The following ADAMTS5 variants were observed in gnomAD, a reference collection of about 807,000 sequenced individuals.
The protein encoded by ADAMTS5 is ADAM metallopeptidase with thrombospondin type 1 motif 5.
A neutral mutation model predicts 81.4 loss-of-function variants in ADAMTS5; 54 were observed. The observed-to-expected ratio is 0.66, with a 90% CI of 0.53 to 0.83. ADAMTS5 has a LOEUF of 0.83. ADAMTS5 is among the 40% of genes least tolerant of loss of function. The pLI, the probability that ADAMTS5 is intolerant of heterozygous loss-of-function variation, is 0.00. For synonymous variants in ADAMTS5, 532 were observed against 508.8 expected (o/e 1.05, Z -0.61); for missense variants, 1,194 against 1,229.9 (o/e 0.97, Z 0.44).
At chr21:26,949,317 G>A (rs1326404663) in intron 2 of ADAMTS5, among the ~76,000 whole-genome samples, 1 of 151,716 alleles carries the variant, frequency 6.6e-6, no homozygotes, top group Non-Finnish European at 1.5e-5. Context: ...CATACCTTCT[G>A]ACTAGCTGGG....
intron 4 of ADAMTS5, among the ~76,000 whole-genome samples, chr21:26,933,603 A>C (rs1241878943): frequency 2.6e-5 from 4 of 152,362 alleles, no homozygotes; most frequent in African/African-American, 9.6e-5. Context: ...TGTGACAGAT[A>C]CTGAAATGCA....
intron 4 of ADAMTS5, 88 bp from the exon 5 acceptor site, chr21:26,933,132 A>G: frequency 1.5e-6 from 2 of 1,369,270 alleles, no homozygotes; most frequent in Non-Finnish European, 2.0e-6. Flanking sequence ...TTTAATGACA[A>G]AGTGGAAACT....
At position 26,928,665 on chromosome 21, in the gene ADAMTS5, CTCTT is replaced by C. The variant is rs200444228; in HGVS notation, c.2225+1217_2225+1220del. On this transcript the variant is annotated intron_variant, in intron 7 of 7. Transcript: ENST00000284987. ...CTTTCTCTTTCCTTTGTCTTTCTTT[CTCTT>C]TCTTTCTTTCTTTTTCTTTCTTTCT... 9.4e-3 allele frequency among the ~76,000 whole-genome samples: 1,386 copies of C among 147,908 alleles called. 21 individuals are homozygous for C. The highest frequency in any genetic ancestry group is 0.029 in the African/African-American group (1,176 of 40,088).
chr21:26,958,983 G>C (rs1987477567), intron 1 of ADAMTS5, among the ~76,000 whole-genome samples: 1 of 152,220 alleles, frequency 6.6e-6, no homozygotes, highest in Admixed American at 6.5e-5. Flanking sequence ...GGAATGACAA[G>C]AAGTTTGTTT....
intron 2 of ADAMTS5, among the ~76,000 whole-genome samples, chr21:26,949,629 T>G (rs1987281816): frequency 6.6e-6 from 1 of 152,166 alleles, no homozygotes; most frequent in Non-Finnish European, 1.5e-5. Context: ...TGCTAGATAA[T>G]CTATAGGTTT....
rs140137214 is a variant in ADAMTS5, at chr21:26,965,521, G to C, written c.871C>G (p.Leu291Val). The change falls in exon 1 of 8, where the codon CTG becomes GTG. Residue 291 changes from leucine to valine, a missense_variant. Coordinates refer to ENST00000284987, the MANE Select transcript of ADAMTS5 (RefSeq NM_007038.5). ...TTGGCGATGGAGGCCAGGGTCAGCA[G>C]GTAATGCTGCAGGCCCCGGCCATAC... is the stretch of plus-strand genomic sequence containing the variant. The part of the protein sequence containing the change: ...RLYGRGLQHY[L>V]LTLASIANRL... The C allele has an allele frequency of 6.2e-7, 1 of 1,614,010 alleles. No homozygotes were observed. Among genetic ancestry groups the C allele is most frequent in the African/African-American group, 1.3e-5 (1 of 74,956 alleles).
In ADAMTS5 at chr21:26,931,934, G is replaced by A. The variant is rs560802638; in HGVS notation, c.2049+70C>T. 1.4e-4 allele frequency: 203 copies of A among 1,451,812 alleles called. 3 individuals carry two copies. In the South Asian group the frequency reaches 1.7e-3, roughly 12 times the overall value. The allele number at this position is 1,451,812 out of a possible 1,614,324, so 89.9% of individuals were successfully genotyped here. ...TAATAACTGTTTACGTCTGGCGTCC[G>A]CAGGCTTCATTCTACCAAATAATTT... On this transcript the variant is annotated intron_variant, in intron 6 of 7. Transcript: ENST00000284987.
chr21:26,946,579 T>C (rs943495155), intron 2 of ADAMTS5, among the ~76,000 whole-genome samples: 14 of 152,136 alleles, frequency 9.2e-5, no homozygotes, highest in Non-Finnish European at 1.2e-4. Context: ...TTAAAATGAA[T>C]GGTGTGGTTT....
In ADAMTS5 at chr21:26,924,111, C is replaced by A; in HGVS notation, c.2735G>T (p.Gly912Val). The A allele has an allele frequency of 6.2e-7, 1 of 1,612,402 alleles. No homozygotes were observed. The highest frequency in any genetic ancestry group is 8.5e-7 in the Non-Finnish European group (1 of 1,178,496). ...AGAAGGCCTTTGGGAGAGAGGACAT[C>A]CTTTTGCTAACTTCCGGTTTCCATC... is the stretch of plus-strand genomic sequence containing the variant. Reference protein sequence around the residue: ...CQDGNRKLAKGCPLSQRPSAF... With the variant: ...CQDGNRKLAKVCPLSQRPSAF... Residue 912 changes from glycine (G) to valine (V), a missense_variant, in exon 8 of 8, where the codon GGA becomes GTA. Physicochemically the swap from Gly to Val is moderately radical, Grantham distance 109. Coordinates refer to ENST00000284987, the MANE Select transcript of ADAMTS5 (RefSeq NM_007038.5).
rs780747126 is a variant in ADAMTS5 at position 26,954,720 on chromosome 21, A to G, written c.1237+19T>C. On this transcript the variant is annotated intron_variant, in intron 2 of 7. Transcript: ENST00000284987. ...ACAAGTGTTTGATTTGGTGAGGGAA[A>G]AGAAAAGGCGCTGCATACCGATTTC... 5.0e-6 allele frequency: 8 copies of G among 1,609,968 alleles called. No individual in the cohort carries two copies. In the African/African-American group the frequency reaches 5.4e-5, roughly 11 times the overall value.
chr21:26,934,773 C>T, intron 3 of ADAMTS5, 24 bp from the exon 4 acceptor site: 3 of 1,609,326 alleles, frequency 1.9e-6, no homozygotes, highest in Non-Finnish European at 2.6e-6. Flanking sequence ...TGAGATTGAC[C>T]ACGGCTCTGT....
intron 2 of ADAMTS5, among the ~76,000 whole-genome samples, chr21:26,949,166 C>T (rs1568848240): frequency 7.1e-6 from 1 of 141,462 alleles, no homozygotes; most frequent in Non-Finnish European, 1.5e-5. Context: ...ACACATATAT[C>T]CATATATATA....
Position 26,966,000 on chromosome 21 carries a change from A to T in ADAMTS5, c.392T>A (p.Phe131Tyr). 6.2e-7 allele frequency: 1 copy of T among 1,613,210 alleles called. No individual in the cohort carries two copies. Among genetic ancestry groups the T allele is most frequent in the Non-Finnish European group, 8.5e-7 (1 of 1,179,860 alleles). ...ACTACCGTCCACTGTGCCCCGATAG[A>T]AGCAGTGGCTCCGGTGGCGCCAGGG... ...SAPWRHRSHC[F>Y]YRGTVDGSPR... The change falls in exon 1 of 8, where the codon TTC becomes TAC. Residue 131 changes from phenylalanine (F) to tyrosine (Y), a missense_variant. Phe to Tyr is a conservative substitution (Grantham distance 22, BLOSUM62 3). Transcript: ENST00000284987.
At chr21:26,948,535 T>C (rs1204312710) in intron 2 of ADAMTS5, among the ~76,000 whole-genome samples, 1 of 152,198 alleles carries the variant, frequency 6.6e-6, no homozygotes, top group Non-Finnish European at 1.5e-5. Context: ...AGTCAACTGC[T>C]CACATGGAAT....
chr21:26,954,710 G>T, intron 2 of ADAMTS5, 29 bp downstream of exon 2: 1 of 1,609,332 alleles, frequency 6.2e-7, no homozygotes, highest in Non-Finnish European at 8.5e-7. Flanking sequence ...TGTTTGATTT[G>T]GTGAGGGAAA....
Position 26,920,679 on chromosome 21 carries a change from G to A in ADAMTS5, c.*3374C>T, listed in dbSNP as rs188901435. On this transcript the variant is annotated 3_prime_UTR_variant, in exon 8 of 8. Coordinates refer to ENST00000284987, the MANE Select transcript of ADAMTS5 (RefSeq NM_007038.5). ...ATCTGATTATTGGCTGTGTCTTAGC[G>A]TCTGTAGGAAGCTTCTAGGCTATTT... The A allele has an allele frequency of 1.5e-4, 23 of 152,140 alleles. No homozygotes were observed. The highest frequency in any genetic ancestry group is 6.5e-4 in the Admixed American group (10 of 15,278). 9.4% of individuals were successfully genotyped at this position (152,140 alleles called of 1,614,324 possible).
Position 26,966,404 on chromosome 21 carries a change from G to T in ADAMTS5, c.-13C>A. On this transcript the variant is annotated 5_prime_UTR_variant, in exon 1 of 8. Transcript: ENST00000284987. Reference sequence around the variant, plus strand: ...ACCCGAGCAGCATAGTGCGCTGCCCGCGGGGAGGGGCTGCGCGACTGGGAC... The same window carrying T: ...ACCCGAGCAGCATAGTGCGCTGCCCTCGGGGAGGGGCTGCGCGACTGGGAC... The T allele has an allele frequency of 2.1e-6, 3 of 1,425,928 alleles. No individual in the cohort carries two copies. Among genetic ancestry groups the T allele is most frequent in the South Asian group, 3.0e-5 (2 of 66,654 alleles). The allele number at this position is 1,425,928 out of a possible 1,614,324, so 88.3% of individuals were successfully genotyped here.
chr21:26,933,872 A>G (rs1424718239), intron 4 of ADAMTS5, among the ~76,000 whole-genome samples: 1 of 152,182 alleles, frequency 6.6e-6, no homozygotes, highest in Non-Finnish European at 1.5e-5. Context: ...GACTTTGCAA[A>G]TCTTGTGGGT....
At chr21:26,936,869 C>T (rs1987022788) in intron 3 of ADAMTS5, among the ~76,000 whole-genome samples, 1 of 152,088 alleles carries the variant, frequency 6.6e-6, no homozygotes, top group Non-Finnish European at 1.5e-5. Flanking sequence ...ATTGCAGAAT[C>T]AAAAAAGAAG....
Sources: gnomAD v4.1 joint callset for allele counts (sites outside exome capture counted in the v4.1 genomes callset) on GRCh38, gnomAD v4.1.1 for gene constraint, MANE v1.5 for transcripts, NCBI Gene and HGNC (gene_info 2026-07-23, HGNC 2026-07-21) for gene names.